GABRA2: variants seen among roughly 807,000 people sequenced by gnomAD.
GABRA2 encodes the protein gamma-aminobutyric acid type A receptor subunit alpha2, also known as gamma-aminobutyric acid receptor subunit alpha-2.
In GABRA2, 16 loss-of-function variants were observed where a neutral mutation model predicts 48.7. The observed-to-expected ratio is 0.33, with a 90% CI of 0.22 to 0.50. GABRA2 has a LOEUF of 0.50. Among genes scored for constraint, GABRA2 ranks in the 20% least tolerant of loss-of-function variants. GABRA2 has a pLI of 0.98. For synonymous variants in GABRA2, 185 were observed against 184.5 expected (o/e 1.00, Z -0.02); for missense variants, 275 against 535.6 (o/e 0.51, Z 4.80).
At chr4:46,297,744 T>C (rs1313643910) in intron 8 of GABRA2, among the ~76,000 whole-genome samples, 1 of 151,828 alleles carries the variant, frequency 6.6e-6, no homozygotes, top group East Asian at 1.9e-4. Flanking sequence ...CTACATTTCA[T>C]TTACCTCTGC....
rs986424209 is a variant in GABRA2 at position 46,248,242 on chromosome 4, A to G, written c.*2066T>C. ...TAAAGTATCTAATAATGCATACCAT[A>G]TAGAGCAATTTCATTGCTTGCCTTC... On this transcript the variant is annotated 3_prime_UTR_variant, in exon 10 of 10. Transcript: ENST00000381620. Among the ~76,000 whole-genome samples, 33 of 151,414 alleles carry G rather than the reference A, an allele frequency of 2.2e-4. No individual in the cohort carries two copies. Among genetic ancestry groups the G allele is most frequent in the African/African-American group, 7.7e-4 (32 of 41,386 alleles).
At chr4:46,275,542 GA>G (rs1462735252) in intron 8 of GABRA2, among the ~76,000 whole-genome samples, 2 of 152,108 alleles carry the variant, frequency 1.3e-5, no homozygotes, top group Admixed American at 1.3e-4. Context: ...GTGACTATAA[GA>G]ACCACTATTA....
At chr4:46,303,256 G>C in intron 8 of GABRA2, 1 of 529,376 alleles carries the variant, frequency 1.9e-6, no homozygotes, top group Non-Finnish European at 3.3e-6. Flanking sequence ...AAGAATATTT[G>C]AGTACTTTTC....
intron 9 of GABRA2, among the ~76,000 whole-genome samples, chr4:46,251,120 A>G (rs1023315454): frequency 6.6e-6 from 1 of 151,520 alleles, no homozygotes; most frequent in African/African-American, 2.4e-5. Flanking sequence ...AACAAATACT[A>G]GAAACACAGA....
chr4:46,291,987 T>C (rs1723752715), intron 8 of GABRA2, among the ~76,000 whole-genome samples: 1 of 152,050 alleles, frequency 6.6e-6, no homozygotes, highest in South Asian at 2.1e-4. Flanking sequence ...CTGAGGACTA[T>C]ACTTCTAATA....
At position 46,262,036 on chromosome 4, in the gene GABRA2, T is replaced by C. The variant is rs1341223240; in HGVS notation, c.949A>G (p.Ile317Val). ...VAYATAMDWF[I>V]AVCYAFVFSA... Reference sequence around the variant, plus strand: ...AACACAAATGCATAACAAACAGCAATAAACCAGTCCATGGCAGTTGCATAA... The same window carrying C: ...AACACAAATGCATAACAAACAGCAACAAACCAGTCCATGGCAGTTGCATAA... The change falls in exon 9 of 10, where the codon ATT becomes GTT. Residue 317 changes from isoleucine (I) to valine (V), a missense_variant. Physicochemically the swap from Ile to Val is conservative, Grantham distance 29 (BLOSUM62 3). Around this residue, in one of 4 missense-constraint regions of GABRA2, gnomAD observed 24 missense variants for 113.8 expected, o/e 0.21. Transcript: ENST00000381620. 1.2e-6 allele frequency: 2 copies of C among 1,613,620 alleles called. No homozygotes were observed. The highest frequency in any genetic ancestry group is 1.7e-6 in the Non-Finnish European group (2 of 1,179,820).
chr4:46,352,459 C>A (rs985631698), intron 3 of GABRA2, among the ~76,000 whole-genome samples: 5 of 151,996 alleles, frequency 3.3e-5, no homozygotes, highest in Non-Finnish European at 5.9e-5. Context: ...ATGTCTGCTT[C>A]TTCTCTCAGT....
chr4:46,382,156 TTA>T (rs1187897644), intron 3 of GABRA2, among the ~76,000 whole-genome samples: 2 of 148,548 alleles, frequency 1.3e-5, no homozygotes, highest in Admixed American at 6.8e-5. Flanking sequence ...TGGTAATAAA[TTA>T]TATATATATA....
chr4:46,318,923 T>C (rs1230384209), intron 4 of GABRA2, among the ~76,000 whole-genome samples: 1 of 151,632 alleles, frequency 6.6e-6, no homozygotes, highest in African/African-American at 2.4e-5. Context: ...TTACAGGAAA[T>C]TTAACCCAAT....
At chr4:46,332,919 T>C (rs1242530453) in intron 3 of GABRA2, among the ~76,000 whole-genome samples, 1 of 152,174 alleles carries the variant, frequency 6.6e-6, no homozygotes, top group African/African-American at 2.4e-5. Context: ...TTGGAATCCA[T>C]ACCTGATTAG....
chr4:46,260,350 T>C (rs1349898555), intron 9 of GABRA2, among the ~76,000 whole-genome samples: 1 of 151,938 alleles, frequency 6.6e-6, no homozygotes, highest in Non-Finnish European at 1.5e-5. Context: ...ATTTGGCATA[T>C]GGATAGACTT....
intron 8 of GABRA2, among the ~76,000 whole-genome samples, chr4:46,297,308 C>T (rs1374215166): frequency 2.0e-5 from 3 of 151,478 alleles, no homozygotes; most frequent in Non-Finnish European, 4.4e-5. Flanking sequence ...ACTGGCTTAG[C>T]CTCCTAGCCT....
At chr4:46,349,509 T>G (rs1339099879) in intron 3 of GABRA2, among the ~76,000 whole-genome samples, 1 of 152,000 alleles carries the variant, frequency 6.6e-6, no homozygotes, top group East Asian at 1.9e-4. Flanking sequence ...AAGCAATGTT[T>G]TAGATTTAGA....
intron 8 of GABRA2, among the ~76,000 whole-genome samples, chr4:46,288,891 C>CA (rs146537534): frequency 0.38 from 57,806 of 151,486 alleles, 11,667 homozygotes; most frequent in East Asian, 0.5. Context: ...TGAAAGTAGA[C>CA]AAAAAACATG....
intron 9 of GABRA2, among the ~76,000 whole-genome samples, chr4:46,255,483 G>T (rs1460039841): frequency 6.6e-6 from 1 of 151,396 alleles, no homozygotes; most frequent in Non-Finnish European, 1.5e-5. Flanking sequence ...TGTTTTACTT[G>T]TGATTTAGAC....
At chr4:46,304,014 GTTTT>G (rs202153003) in intron 7 of GABRA2, among the ~76,000 whole-genome samples, 1 of 151,808 alleles carries the variant, frequency 6.6e-6, no homozygotes, top group Non-Finnish European at 1.5e-5. Context: ...ACTCAAAAAG[GTTTT>G]TTTGTTTTTT....
intron 3 of GABRA2, among the ~76,000 whole-genome samples, chr4:46,358,502 G>C (rs565763033): frequency 1.3e-5 from 2 of 152,212 alleles, no homozygotes; most frequent in East Asian, 1.9e-4. Flanking sequence ...TCTCTTCTTA[G>C]AGATGGTAGG....
chr4:46,372,815 T>C (rs1715102629), intron 3 of GABRA2, among the ~76,000 whole-genome samples: 1 of 151,346 alleles, frequency 6.6e-6, no homozygotes, highest in East Asian at 1.9e-4. Context: ...GTATGTAAAG[T>C]GTTACACCAC....
Position 46,246,170 on chromosome 4 carries a change from G to T in GABRA2, c.*4138C>A, listed in dbSNP as rs961695796. On this transcript the variant is annotated 3_prime_UTR_variant, in exon 10 of 10. Transcript: ENST00000381620. ...TATGTATAATTTATCTACTTTCTCG[G>T]AAGTTAAAAAGGGAAAAATGCTTCA... Among the ~76,000 whole-genome samples, 8 of 150,850 alleles carry T rather than the reference G, an allele frequency of 5.3e-5. No homozygotes were observed. Among genetic ancestry groups the T allele is most frequent in the Non-Finnish European group, 1.0e-4 (7 of 67,356 alleles).
Sources: allele counts gnomAD v4.1 joint callset (sites outside exome capture counted in the v4.1 genomes callset), GRCh38; gene constraint gnomAD v4.1.1; regional missense constraint gnomAD v4.1.1; transcripts MANE v1.5; gene names NCBI Gene and HGNC (gene_info 2026-07-23, HGNC 2026-07-21).